Variants in MPP2 observed in about 807,000 individuals in gnomAD.
MPP2 encodes the protein MAGUK p55 scaffold protein 2, also known as MAGUK p55 subfamily member 2.
Under a neutral mutation model 58.5 loss-of-function variants are expected in MPP2, and 42 were observed. That is an observed-to-expected ratio of 0.72 (90% CI 0.56 to 0.93). The LOEUF is 0.93. MPP2 is among the 40% of genes least tolerant of loss of function. The pLI is 0.00. For synonymous variants in MPP2, 300 were observed against 307.8 expected, an observed-to-expected ratio of 0.97 and a Z score of 0.26; for missense variants, 632 against 760.4, an observed-to-expected ratio of 0.83 and a Z score of 1.99.
At chr17:43,900,670 C>A in intron 2 of MPP2, 1 of 1,415,760 alleles carries the variant, frequency 7.1e-7, no homozygotes, top group South Asian at 1.6e-5. Context: ...CTCTGAGGAA[C>A]CAGCCAATGG....
chr17:43,884,180 A>G (rs1010168594), intron 3 of MPP2: 2 of 702,102 alleles, frequency 2.8e-6, no homozygotes, highest in Non-Finnish European at 5.2e-6. Flanking sequence ...ACATCGATTC[A>G]TTAATACATT....
At chr17:43,883,073 A>ACC in intron 4 of MPP2, 21 bp from the exon 5 acceptor site, 1 of 1,602,506 alleles carries the variant, frequency 6.2e-7, no homozygotes. Context: ...GTGGGAAGAG[A>ACC]AGGGACAATG....
upstream of MPP2, among the ~76,000 whole-genome samples, chr17:43,908,657 C>G (rs1182812758): frequency 6.6e-6 from 1 of 152,092 alleles, no homozygotes; most frequent in African/African-American, 2.4e-5. Context: ...TGCAGTGAGC[C>G]GAGATTGCAA....
chr17:43,875,805 T>C lies in MPP2; in HGVS notation c.*2002A>G, dbSNP rs1483203093. On this transcript the variant is annotated 3_prime_UTR_variant, in exon 13 of 13. Coordinates refer to ENST00000269095, the MANE Select transcript of MPP2 (RefSeq NM_005374.5). ...AGGCCAGGTACCCAACCCATCTCCATCAGAGATGATGGTCATTTGGATCAA... is the reference window on the plus strand; with the variant it reads ...AGGCCAGGTACCCAACCCATCTCCACCAGAGATGATGGTCATTTGGATCAA... 6.6e-6 allele frequency: 1 copy of C among 152,174 alleles called. No individual in the cohort carries two copies. The allele number at this position is 152,174 out of a possible 1,614,324, so 9.4% of individuals were successfully genotyped here.
In MPP2 at chr17:43,901,406, A is replaced by G. The variant is rs368006256; in HGVS notation, c.31+3024T>C. 1.2e-4 allele frequency: 119 copies of G among 985,496 alleles called. No homozygotes were observed. In the African/African-American group the frequency reaches 1.9e-3, roughly 16 times the overall value. The allele number at this position is 985,496 out of a possible 1,614,324, so 61.0% of individuals were successfully genotyped here. A position where few individuals can be genotyped will look rare whatever the true frequency, so the allele number is the denominator to read the frequency against. On this transcript the variant is annotated intron_variant, in intron 2 of 12. Transcript: ENST00000269095. ...GAACTCAGTTCCCCAGAAAGGAAAA[A>G]TGAGGGCACATTTGCACACAGGGAA...
chr17:43,876,859 A>T lies in MPP2; in HGVS notation c.*948T>A. 1 of 152,558 alleles carries T rather than the reference A, an allele frequency of 6.6e-6. No individual in the cohort carries two copies. Among genetic ancestry groups the T allele is most frequent in the Non-Finnish European group, 1.5e-5 (1 of 68,218 alleles). 9.5% of individuals were successfully genotyped at this position (152,558 alleles called of 1,614,324 possible). Reference sequence around the variant, plus strand: ...TCTGCACTCCTCCTTAGCCCCTCCAACCCAGCAGCCCTGATGCAAGTGGGC... The same window carrying T: ...TCTGCACTCCTCCTTAGCCCCTCCATCCCAGCAGCCCTGATGCAAGTGGGC... On this transcript the variant is annotated 3_prime_UTR_variant, in exon 13 of 13. Transcript: ENST00000269095.
intron 3 of MPP2, among the ~76,000 whole-genome samples, chr17:43,888,771 C>A (rs1281163021): frequency 6.6e-6 from 1 of 152,160 alleles, no homozygotes; most frequent in African/African-American, 2.4e-5. Flanking sequence ...ACATTCCCAC[C>A]ATGGGCTAAT....
upstream of MPP2, among the ~76,000 whole-genome samples, chr17:43,908,615 C>T (rs1179705910): frequency 1.3e-5 from 2 of 152,172 alleles, no homozygotes; most frequent in Admixed American, 6.5e-5. Flanking sequence ...GTAGCGCGCG[C>T]CTGTAGTCCC....
chr17:43,901,269 C>G, intron 2 of MPP2: 1 of 985,406 alleles, frequency 1.0e-6, no homozygotes, highest in African/African-American at 1.7e-5. Context: ...GGGATGGTGC[C>G]CCAGCCCTGC....
chr17:43,879,781 C>G lies in MPP2; in HGVS notation c.1353+1G>C. The G allele has an allele frequency of 6.2e-7, 1 of 1,612,874 alleles. No homozygotes were observed. Among genetic ancestry groups the G allele is most frequent in the Non-Finnish European group, 8.5e-7 (1 of 1,179,690 alleles). ...GCTGGGAAGGAGCAGAGTGGCGGTA[C>G]CTGGGGGTTGACATCCAGCACGCAC... On this transcript the variant is annotated splice_donor_variant, in intron 11 of 12. Transcript: ENST00000269095. LOFTEE classifies it high-confidence loss of function. The surrounding 1 kb of genome is among the most constrained non-coding windows in gnomAD (Gnocchi z 4.1).
At chr17:43,903,145 AG>A (rs2048159559) in intron 2 of MPP2, among the ~76,000 whole-genome samples, 2 of 152,086 alleles carry the variant, frequency 1.3e-5, no homozygotes, top group South Asian at 4.2e-4. Flanking sequence ...GCATGATAGC[AG>A]GTGCCTGTAA....
chr17:43,879,025 G>C lies in MPP2; in HGVS notation c.1482+250C>G, dbSNP rs547730746. Among the ~76,000 whole-genome samples the C allele has an allele frequency of 6.6e-6, 1 of 152,180 alleles. No homozygotes were observed. The highest frequency in any genetic ancestry group is 1.5e-5 in the Non-Finnish European group (1 of 68,044). ...CTGTCTCTGCAGAGTGGGCTGAGCC[G>C]GGGGCCTTGAGTCAGAAGCACATGT... On this transcript the variant is annotated intron_variant, in intron 12 of 12. Transcript: ENST00000269095. This position sits in a 1 kb window ranked among gnomAD's most constrained non-coding sequence, Gnocchi z 4.1.
At chr17:43,882,217 G>A in intron 6 of MPP2, 67 bp downstream of exon 6, 1 of 1,438,246 alleles carries the variant, frequency 7.0e-7, no homozygotes, top group Non-Finnish European at 9.6e-7. Context: ...GCCTCCGTGA[G>A]ACCTGCAACC....
At chr17:43,883,410 C>T in intron 3 of MPP2, 55 bp from the exon 4 acceptor site, 2 of 1,568,152 alleles carry the variant, frequency 1.3e-6, no homozygotes, top group Middle Eastern at 1.8e-4. Context: ...AGCCCTGGGA[C>T]ACCAAGCAGG....
chr17:43,879,715 A>AT lies in MPP2; in HGVS notation c.1353+66dup, dbSNP rs2047013781. ...GTTCAGGTGACAGGTGTCTGGAACT[A>AT]TATGGGGGAGCAATGAGGCAGCAGA... On this transcript the variant is annotated intron_variant, in intron 11 of 12. Coordinates refer to ENST00000269095, the MANE Select transcript of MPP2 (RefSeq NM_005374.5). This position sits in a 1 kb window ranked among gnomAD's most constrained non-coding sequence, Gnocchi z 4.1. The AT allele has an allele frequency of 6.4e-7, 1 of 1,559,600 alleles. No individual in the cohort carries two copies. The highest frequency in any genetic ancestry group is 1.4e-5 in the African/African-American group (1 of 73,784).
intron 3 of MPP2, among the ~76,000 whole-genome samples, chr17:43,893,509 G>T (rs2047691593): frequency 1.3e-5 from 2 of 152,158 alleles, no homozygotes; most frequent in East Asian, 1.9e-4. Flanking sequence ...TAGAACAGGG[G>T]TCCCCAACCC....
chr17:43,909,312 C>T (rs1300530500), upstream of MPP2, among the ~76,000 whole-genome samples: 1 of 152,054 alleles, frequency 6.6e-6, no homozygotes, highest in Admixed American at 6.6e-5. Flanking sequence ...GTGATCTGCC[C>T]ACCTCAGCCT....
intron 2 of MPP2, among the ~76,000 whole-genome samples, chr17:43,901,041 CCTCT>C (rs1317822815): frequency 1.3e-5 from 2 of 152,140 alleles, no homozygotes; most frequent in East Asian, 1.9e-4. Context: ...CTCCCTATGC[CCTCT>C]GACCTCTGCT....
intron 3 of MPP2, among the ~76,000 whole-genome samples, chr17:43,889,145 C>T (rs936092000): frequency 6.6e-5 from 10 of 152,092 alleles, no homozygotes; most frequent in African/African-American, 2.4e-4. Context: ...AGGCTAGTCA[C>T]AAACTCCTGA....
Sources: allele counts gnomAD v4.1 joint callset (sites outside exome capture counted in the v4.1 genomes callset), GRCh38; gene constraint gnomAD v4.1.1; non-coding constraint Gnocchi (gnomAD v3.1); transcripts MANE v1.5; gene names NCBI Gene and HGNC (gene_info 2026-07-23, HGNC 2026-07-21).